PIK3CD: variants seen among roughly 807,000 people sequenced by gnomAD.
PIK3CD encodes the protein phosphatidylinositol 4,5-bisphosphate 3-kinase catalytic subunit delta isoform.
A neutral mutation model predicts 122.9 loss-of-function variants in PIK3CD; 20 were observed. That is an observed-to-expected ratio of 0.16 (90% CI 0.11 to 0.24). The LOEUF (loss-of-function observed/expected upper bound fraction) is 0.24, where lower values mean the gene tolerates loss of function less well. Ranked by LOEUF, PIK3CD falls within the 10% of genes least tolerant of loss-of-function variation. The pLI is 1.00. For synonymous variants in PIK3CD, 596 were observed against 593.4 expected (o/e 1.00, Z -0.06); for missense variants, 787 against 1,406.3 (o/e 0.56, Z 7.04).
In PIK3CD at chr1:9,723,375, G is replaced by C. The variant is rs1648994650; in HGVS notation, c.2594+83G>C. ...GGGCCTCGCCTGTCAGAACAAAGGA[G>C]CGGGGAGGGGCCTCAGACCATCTTT... On this transcript the variant is annotated intron_variant, in intron 20 of 23. Transcript: ENST00000377346. This position sits in a 1 kb window ranked among gnomAD's most constrained non-coding sequence, Gnocchi z 4.9. 2.1e-6 allele frequency: 3 copies of C among 1,413,038 alleles called. No homozygotes were observed. Among genetic ancestry groups the C allele is most frequent in the Non-Finnish European group, 3.0e-6 (3 of 999,128 alleles). 87.5% of individuals were successfully genotyped at this position (1,413,038 alleles called of 1,614,324 possible).
intron 1 of PIK3CD, among the ~76,000 whole-genome samples, chr1:9,660,421 T>A (rs1644977381): frequency 6.6e-6 from 1 of 152,210 alleles, no homozygotes; most frequent in African/African-American, 2.4e-5. Context: ...TGTGCTTTTG[T>A]AGTTTGCTTT....
At chr1:9,628,234 G>A in the PIK3CD span, among the ~76,000 whole-genome samples, 1 of 151,606 alleles carries the variant, frequency 6.6e-6, no homozygotes, top group African/African-American at 2.4e-5. Context: ...TCTGGGAGGC[G>A]GAGGTTGCAG....
the PIK3CD span, among the ~76,000 whole-genome samples, chr1:9,645,078 T>C: frequency 6.8e-6 from 1 of 147,312 alleles, no homozygotes; most frequent in South Asian, 2.1e-4. Flanking sequence ...CAGGCTGGAG[T>C]GCAGTGGCGC....
At chr1:9,647,515 A>ATTATTC (rs1644620186), upstream of PIK3CD, among the ~76,000 whole-genome samples, 1 of 148,184 alleles carries the variant, frequency 6.7e-6, no homozygotes, top group Middle Eastern at 3.3e-3. Flanking sequence ...TATTATTATT[A>ATTATTC]TTATTAGAGA....
Position 9,712,845 on chromosome 1 carries a change from G to A in PIK3CD, c.141+2249G>A, listed in dbSNP as rs375235905. 8.5e-5 allele frequency among the ~76,000 whole-genome samples: 13 copies of A among 152,062 alleles called. No individual in the cohort carries two copies. The East Asian group carries it at 2.1e-3, about 25-fold the overall frequency. On this transcript the variant is annotated intron_variant, in intron 3 of 23. Coordinates refer to ENST00000377346, the MANE Select transcript of PIK3CD (RefSeq NM_005026.5). The stretch of plus-strand genomic sequence containing the variant: ...GAGCCCAGGAGTTCGAGACCAGCCT[G>A]GGTAACATGACAAAACCCTGTCTCT...
chr1:9,651,550 G>A (rs528746548), upstream of PIK3CD, among the ~76,000 whole-genome samples: 1 of 152,350 alleles, frequency 6.6e-6, no homozygotes, highest in African/African-American at 2.4e-5. Flanking sequence ...GAGGCACCTG[G>A]GATGATGCCC....
Position 9,721,432 on chromosome 1 carries a change from C to T in PIK3CD, c.1812-12C>T. On this transcript the variant is annotated splice_polypyrimidine_tract_variant and intron_variant, in intron 14 of 23. Transcript: ENST00000377346. ...GGGGAGCTCCAGGCCCCAGCGCCTT[C>T]CTTCCCTGCAGGGACGATGAGCTGT... is the stretch of plus-strand genomic sequence containing the variant. 1 of 1,613,194 alleles carries T rather than the reference C, an allele frequency of 6.2e-7. No individual in the cohort carries two copies. Among genetic ancestry groups the T allele is most frequent in the South Asian group, 1.1e-5 (1 of 91,080 alleles).
At chr1:9,674,426 C>A (rs1645436130) in intron 1 of PIK3CD, among the ~76,000 whole-genome samples, 1 of 151,746 alleles carries the variant, frequency 6.6e-6, no homozygotes, top group African/African-American at 2.4e-5. Flanking sequence ...ATGCCTGTAA[C>A]CCCAGCACTT....
At chr1:9,668,101 C>CTTTT (rs1316191765) in intron 1 of PIK3CD, among the ~76,000 whole-genome samples, 2 of 151,918 alleles carry the variant, frequency 1.3e-5, no homozygotes, top group Non-Finnish European at 2.9e-5. Flanking sequence ...CTTTCTTTCT[C>CTTTT]TTTACTGGCT....
Position 9,720,776 on chromosome 1 carries a change from G to T in PIK3CD, c.1556G>T (p.Gly519Val). Residue 519 changes from glycine (G) to valine (V), a missense_variant, in exon 13 of 24, where the codon GGG (glycine) becomes GTG (valine). By Grantham distance (109) the Gly-to-Val change is moderately radical (BLOSUM62 -3). This residue lies in a region of PIK3CD where 592 missense variants were observed against 920.6 expected (regional missense o/e 0.64). Transcript: ENST00000377346. This position sits in a 1 kb window ranked among gnomAD's most constrained non-coding sequence, Gnocchi z 9.0. The part of the protein sequence containing the change: ...LQLREILERR[G>V]SGELYEHEKD... ...CTGCGGGAAATCCTGGAGCGGCGGG[G>T]GTCTGGGGAGCTGTATGAGCACGAG... 6.2e-7 allele frequency: 1 copy of T among 1,612,902 alleles called. No homozygotes were observed. The highest frequency in any genetic ancestry group is 8.5e-7 in the Non-Finnish European group (1 of 1,179,730).
intron 23 of PIK3CD, among the ~76,000 whole-genome samples, chr1:9,725,290 A>G (rs919609968): frequency 6.6e-6 from 1 of 152,230 alleles, no homozygotes; most frequent in African/African-American, 2.4e-5. Context: ...TGGGTGGCTC[A>G]CGCCTGTAAT....
rs771432120 is a variant in PIK3CD at position 9,722,493 on chromosome 1, ACTCACG to A, written c.2348-32_2348-27del. On this transcript the variant is annotated intron_variant, in intron 18 of 23. Transcript: ENST00000377346. The surrounding 1 kb of genome is among the most constrained non-coding windows in gnomAD (Gnocchi z 7.6). ...GCTGGAAGCAGAGAACCTACCAGAA[ACTCACG>A]CTTCTCCTCCCACCGGCCGGTGGCA... 6.3e-7 allele frequency: 1 copy of A among 1,583,848 alleles called. No individual in the cohort carries two copies. Among genetic ancestry groups the A allele is most frequent in the Non-Finnish European group, 8.7e-7 (1 of 1,153,954 alleles).
At position 9,719,046 on chromosome 1, in the gene PIK3CD, C is replaced by T; in HGVS notation, c.1242+131C>T. On this transcript the variant is annotated intron_variant, in intron 9 of 23. Coordinates refer to ENST00000377346, the MANE Select transcript of PIK3CD (RefSeq NM_005026.5). The surrounding 1 kb of genome is among the most constrained non-coding windows in gnomAD (Gnocchi z 5.5). ...TGGGGGTCCTGGGATTGCTTGTGGACCCCAGCCTCCTCACCCACCCTAGTC... is the reference window on the plus strand; with the variant it reads ...TGGGGGTCCTGGGATTGCTTGTGGATCCCAGCCTCCTCACCCACCCTAGTC... 3.5e-6 allele frequency: 3 copies of T among 848,768 alleles called. No individual in the cohort carries two copies. The highest frequency in any genetic ancestry group is 3.8e-6 in the Non-Finnish European group (2 of 527,620). The allele number at this position is 848,768 out of a possible 1,614,324, so 52.6% of individuals were successfully genotyped here. A position where few individuals can be genotyped will look rare whatever the true frequency, so the allele number is the denominator to read the frequency against.
rs1157142684 is a variant in PIK3CD, at chr1:9,722,214, C to T, written c.2235-30C>T. The T allele has an allele frequency of 2.5e-6, 4 of 1,611,234 alleles. No homozygotes were observed. Among genetic ancestry groups the T allele is most frequent in the Non-Finnish European group, 3.4e-6 (4 of 1,178,924 alleles). The stretch of plus-strand genomic sequence containing the variant: ...CCCTGGGAGGCCGGTAGAGGAGCCC[C>T]TGCTGACTGCCCGCTCTCTGGCCTG... On this transcript the variant is annotated intron_variant, in intron 17 of 23. Transcript: ENST00000377346. The surrounding 1 kb of genome is among the most constrained non-coding windows in gnomAD (Gnocchi z 7.6).
chr1:9,628,339 A>G, the PIK3CD span, among the ~76,000 whole-genome samples: 1 of 152,214 alleles, frequency 6.6e-6, no homozygotes, highest in South Asian at 2.1e-4. Flanking sequence ...GCGCAGAAAC[A>G]TCCAGTCTCA....
intron 1 of PIK3CD, chr1:9,654,605 G>C (rs932020966): frequency 2.7e-6 from 1 of 375,650 alleles, no homozygotes; most frequent in South Asian, 2.0e-5. Context: ...AGGGAGAAGT[G>C]AATGTGCAAC....
Position 9,723,111 on chromosome 1 carries a change from TC to T in PIK3CD, c.2427-9del, listed in dbSNP as rs1242408115. 4.3e-6 allele frequency: 7 copies of T among 1,612,610 alleles called. No individual in the cohort carries two copies. Among genetic ancestry groups the T allele is most frequent in the Non-Finnish European group, 5.9e-6 (7 of 1,179,718 alleles). On this transcript the variant is annotated splice_polypyrimidine_tract_variant and intron_variant, in intron 19 of 23. Coordinates refer to ENST00000377346, the MANE Select transcript of PIK3CD (RefSeq NM_005026.5). This position sits in a 1 kb window ranked among gnomAD's most constrained non-coding sequence, Gnocchi z 4.9. ...GACCATGCCATTTGCCCGTCCCTCT[TC>T]CCCCTTGCCTAGGATGACCCCCTAT...
At chr1:9,696,519 A>C (rs898541659) in intron 2 of PIK3CD, among the ~76,000 whole-genome samples, 1 of 152,016 alleles carries the variant, frequency 6.6e-6, no homozygotes, top group Non-Finnish European at 1.5e-5. Flanking sequence ...TGGGAAGCTG[A>C]AGCAGGAGAA....
At chr1:9,633,083 C>A in the PIK3CD span, among the ~76,000 whole-genome samples, 4 of 151,692 alleles carry the variant, frequency 2.6e-5, no homozygotes, top group Admixed American at 2.0e-4. Flanking sequence ...GGATGGTCTC[C>A]ATCTCCTGAC....
Sources: gnomAD v4.1 joint callset for allele counts (sites outside exome capture counted in the v4.1 genomes callset) on GRCh38, gnomAD v4.1.1 for gene constraint, gnomAD v4.1.1 regional missense constraint, Gnocchi (gnomAD v3.1) non-coding constraint, MANE v1.5 for transcripts, NCBI Gene and HGNC (gene_info 2026-07-23, HGNC 2026-07-21) for gene names.